Variants in KCNQ3 observed in about 807,000 individuals in gnomAD.
KCNQ3 encodes the protein potassium voltage-gated channel subfamily Q member 3.
KCNQ3 carries 30 observed loss-of-function variants against 92.5 expected under a neutral mutation model. That is an observed-to-expected ratio of 0.32 (90% CI 0.24 to 0.44). The LOEUF is 0.44. Ranked by LOEUF, KCNQ3 falls within the 20% of genes least tolerant of loss-of-function variation. The pLI, the probability that KCNQ3 is intolerant of heterozygous loss-of-function variation, is 1.00. For missense variants in KCNQ3, 913 were observed against 1,140.3 expected (o/e 0.80, Z 2.87); for synonymous variants, 450 against 468.8 (o/e 0.96, Z 0.52).
intron 1 of KCNQ3, among the ~76,000 whole-genome samples, chr8:132,208,367 AT>A (rs1490944810): frequency 6.6e-6 from 1 of 152,126 alleles, no homozygotes; most frequent in Non-Finnish European, 1.5e-5. Context: ...ACCGCACAGC[AT>A]TTTGTGGCTT....
At chr8:132,240,802 G>A (rs1428788596) in intron 1 of KCNQ3, among the ~76,000 whole-genome samples, 2 of 152,202 alleles carry the variant, frequency 1.3e-5, no homozygotes, top group Admixed American at 1.3e-4. Flanking sequence ...TAGTCAATGA[G>A]AGTCTATTAT....
At chr8:132,154,192 AGTTTTTTTTTTT>A (rs1335392056) in intron 9 of KCNQ3, among the ~76,000 whole-genome samples, 31 of 104,478 alleles carry the variant, frequency 3.0e-4, no homozygotes, top group African/African-American at 9.6e-4. Context: ...AAAGGGTAAA[AGTTTTTTTTTTT>A]TTTTTTTTTT....
chr8:132,290,171 C>T (rs995505648), intron 1 of KCNQ3, among the ~76,000 whole-genome samples: 1 of 152,226 alleles, frequency 6.6e-6, no homozygotes, highest in African/African-American at 2.4e-5. Context: ...AACTAATACT[C>T]CTGACATGGA....
In KCNQ3 at chr8:132,154,192, A is replaced by ATTTTTTTTTTTTTTTTTT. The variant is rs1563775830; in HGVS notation, c.1262+9275_1262+9276insAAAAAAAAAAAAAAAAAA. On this transcript the variant is annotated intron_variant, in intron 9 of 14. Coordinates refer to ENST00000388996, the MANE Select transcript of KCNQ3 (RefSeq NM_004519.4). Reference sequence around the variant, plus strand: ...CCTGATGTACCATCAAAAGGGTAAAAGTTTTTTTTTTTTTTTTTTTTTTTT... The same window carrying ATTTTTTTTTTTTTTTTTT: ...CCTGATGTACCATCAAAAGGGTAAAATTTTTTTTTTTTTTTTTTGTTTTTTTTTTTTTTTTTTTTTTTT... Among the ~76,000 whole-genome samples, 51 of 104,470 alleles carry ATTTTTTTTTTTTTTTTTT rather than the reference A, an allele frequency of 4.9e-4. 2 individuals are homozygous for ATTTTTTTTTTTTTTTTTT. Among genetic ancestry groups the ATTTTTTTTTTTTTTTTTT allele is most frequent in the African/African-American group, 1.3e-3 (40 of 30,326 alleles). The allele number at this position is 104,470 out of a possible 152,430, so 68.5% of individuals were successfully genotyped here. A position where few individuals can be genotyped will look rare whatever the true frequency, so the allele number is the denominator to read the frequency against.
intron 1 of KCNQ3, among the ~76,000 whole-genome samples, chr8:132,381,122 G>A (rs1370841974): frequency 6.6e-6 from 1 of 152,076 alleles, no homozygotes; most frequent in Non-Finnish European, 1.5e-5. Context: ...ACATATGCTC[G>A]ATCCACCACA....
At chr8:132,280,893 G>A (rs781622099) in intron 1 of KCNQ3, among the ~76,000 whole-genome samples, 8 of 152,148 alleles carry the variant, frequency 5.3e-5, no homozygotes, top group Non-Finnish European at 1.2e-4. Flanking sequence ...GCTACACTGG[G>A]GCTTGTTCCA....
Position 132,140,154 on chromosome 8 carries a change from G to T in KCNQ3, c.1490C>A (p.Ala497Glu), listed in dbSNP as rs1048969639. ...SEDAGTGDPM[A>E]EDRGYGNDFP... ...GTCATTCCCATAGCCCCTGTCTTCC[G>T]CCATGGGGTCACCTGTCCCGGCATC... The change falls in exon 11 of 15, where the codon GCG (alanine) becomes GAG (glutamate). Residue 497 changes from alanine (A) to glutamate (E), a missense_variant. Physicochemically the swap from Ala to Glu is moderately radical, Grantham distance 107 (BLOSUM62 -1). Around this residue, in one of 6 missense-constraint regions of KCNQ3, gnomAD observed 182 missense variants for 234.5 expected, o/e 0.78. Transcript: ENST00000388996. 1.1e-5 allele frequency: 17 copies of T among 1,613,294 alleles called. No homozygotes were observed. Among genetic ancestry groups the T allele is most frequent in the Non-Finnish European group, 1.4e-5 (17 of 1,179,768 alleles).
At chr8:132,335,866 G>T (rs544090837) in intron 1 of KCNQ3, among the ~76,000 whole-genome samples, 2 of 152,206 alleles carry the variant, frequency 1.3e-5, no homozygotes, top group South Asian at 4.2e-4. Context: ...CTCTCCACTA[G>T]TGGTTCCATT....
chr8:132,206,018 C>T (rs1384682453), intron 1 of KCNQ3, among the ~76,000 whole-genome samples: 2 of 152,158 alleles, frequency 1.3e-5, no homozygotes, highest in Non-Finnish European at 2.9e-5. Flanking sequence ...GAACAGGTTG[C>T]ATGGCTCCCC....
chr8:132,453,565 G>A (rs1434207532), intron 1 of KCNQ3, among the ~76,000 whole-genome samples: 1 of 152,172 alleles, frequency 6.6e-6, no homozygotes, highest in African/African-American at 2.4e-5. Context: ...TAGGCGGGTG[G>A]TGTCCCTGAG....
chr8:132,309,734 GAC>G, intron 1 of KCNQ3, among the ~76,000 whole-genome samples: 1 of 152,306 alleles, frequency 6.6e-6, no homozygotes, highest in African/African-American at 2.4e-5. Flanking sequence ...AGCCGACAAA[GAC>G]AGGACAAATC....
intron 1 of KCNQ3, among the ~76,000 whole-genome samples, chr8:132,197,033 A>G (rs1467043187): frequency 1.4e-5 from 2 of 139,100 alleles, no homozygotes; most frequent in Non-Finnish European, 3.1e-5. Context: ...TTTTTTTGCC[A>G]TTTTATGAGA....
intron 1 of KCNQ3, among the ~76,000 whole-genome samples, chr8:132,319,523 C>T (rs1015333025): frequency 6.6e-6 from 1 of 152,174 alleles, no homozygotes; most frequent in African/African-American, 2.4e-5. Context: ...AGAACAGAGA[C>T]CAAAGGCAGA....
At position 132,474,682 on chromosome 8, in the gene KCNQ3, T is replaced by A. The variant is rs79501162; in HGVS notation, c.386+5465A>T. Among the ~76,000 whole-genome samples the A allele has an allele frequency of 1.4e-3, 219 of 152,294 alleles. 2 individuals carry two copies. Among genetic ancestry groups the A allele is most frequent in the African/African-American group, 4.7e-3 (194 of 41,574 alleles). On this transcript the variant is annotated intron_variant, in intron 1 of 14. Transcript: ENST00000388996. ...ATTCAGCAAATGCTTACTTAGTACCTACCATGCACTCTGCAGCCTGCTGTG... is the reference window on the plus strand; with the variant it reads ...ATTCAGCAAATGCTTACTTAGTACCAACCATGCACTCTGCAGCCTGCTGTG...
intron 1 of KCNQ3, among the ~76,000 whole-genome samples, chr8:132,285,198 C>G (rs954026313): frequency 6.6e-6 from 1 of 152,036 alleles, no homozygotes; most frequent in Non-Finnish European, 1.5e-5. Context: ...GAATAGCAGG[C>G]TGGAAAAAAG....
intron 1 of KCNQ3, among the ~76,000 whole-genome samples, chr8:132,375,370 C>T (rs73345958): frequency 0.013 from 2,004 of 152,190 alleles, 57 homozygotes; most frequent in African/African-American, 0.046. Context: ...GGAAATCTCT[C>T]GAGTGTCTGG....
chr8:132,199,142 T>A (rs1450022206), intron 1 of KCNQ3, among the ~76,000 whole-genome samples: 1 of 152,148 alleles, frequency 6.6e-6, no homozygotes, highest in Non-Finnish European at 1.5e-5. Context: ...TGGAAAGCTG[T>A]TTTAAATACA....
At chr8:132,318,957 A>G (rs1054360844) in intron 1 of KCNQ3, among the ~76,000 whole-genome samples, 10 of 152,202 alleles carry the variant, frequency 6.6e-5, no homozygotes, top group Non-Finnish European at 1.2e-4. Flanking sequence ...GGAGACTTAA[A>G]AAGTACTGAA....
rs1229075893 is a variant in KCNQ3 at position 132,235,726 on chromosome 8, T to G, written c.387-49545A>C. 3.3e-5 allele frequency among the ~76,000 whole-genome samples: 5 copies of G among 152,358 alleles called. No individual in the cohort carries two copies. In the East Asian group the frequency reaches 7.7e-4, roughly 24 times the overall value. On this transcript the variant is annotated intron_variant, in intron 1 of 14. Coordinates refer to ENST00000388996, the MANE Select transcript of KCNQ3 (RefSeq NM_004519.4). ...CCTCCCAGGTCGGAACGTCTGCCTT[T>G]ACTCCACTTTGTGTCTCAAATACTC...
Sources: allele counts gnomAD v4.1 joint callset (sites outside exome capture counted in the v4.1 genomes callset), GRCh38; gene constraint gnomAD v4.1.1; regional missense constraint gnomAD v4.1.1; transcripts MANE v1.5; gene names NCBI Gene and HGNC (gene_info 2026-07-23, HGNC 2026-07-21).